Variants in DPP6 observed in about 807,000 individuals in gnomAD.
The protein encoded by DPP6 is dipeptidyl peptidase like 6.
DPP6 carries 69 observed loss-of-function variants against 122.6 expected under a neutral mutation model. That is an observed-to-expected ratio of 0.56 (90% CI 0.46 to 0.69). The LOEUF is 0.69. Ranked by LOEUF, DPP6 falls within the 30% of genes least tolerant of loss-of-function variation. The pLI, the probability that DPP6 is intolerant of heterozygous loss-of-function variation, is 0.00. For missense variants in DPP6, 928 were observed against 1,116.9 expected, an observed-to-expected ratio of 0.83 and a Z score of 2.41; for synonymous variants, 418 against 433.1, an observed-to-expected ratio of 0.97 and a Z score of 0.43.
At chr7:154,180,487 AATAGAT>A (rs980958574) in intron 1 of DPP6, among the ~76,000 whole-genome samples, 17 of 145,516 alleles carry the variant, frequency 1.2e-4, no homozygotes, top group African/African-American at 3.5e-4. Context: ...ATGTTATATA[AATAGAT>A]ATAGATATAT....
At chr7:153,909,205 A>C (rs1388857269) in intron 1 of DPP6, among the ~76,000 whole-genome samples, 1 of 152,152 alleles carries the variant, frequency 6.6e-6, no homozygotes, top group Non-Finnish European at 1.5e-5. Flanking sequence ...GGGCATGCTG[A>C]GGTTCTACCT....
intron 1 of DPP6, among the ~76,000 whole-genome samples, chr7:154,311,402 A>G (rs1461156442): frequency 6.6e-6 from 1 of 151,994 alleles, no homozygotes; most frequent in Admixed American, 6.6e-5. Context: ...AGGCTGAGGT[A>G]GGAGGATCAC....
intron 1 of DPP6, among the ~76,000 whole-genome samples, chr7:153,961,133 T>C (rs2628854): frequency 0.75 from 77,151 of 103,196 alleles, 30,251 homozygotes; most frequent in East Asian, 1. Flanking sequence ...AGAGATGATC[T>C]GGGAAGGTGA....
Position 154,482,977 on chromosome 7 carries a change from G to A in DPP6, c.457+7940G>A, listed in dbSNP as rs1003162144. 2.8e-4 allele frequency among the ~76,000 whole-genome samples: 43 copies of A among 152,158 alleles called. 1 individual carries two copies. Among genetic ancestry groups the A allele is most frequent in the South Asian group, 2.1e-4 (1 of 4,822 alleles). ...AGTGGAAGTCTATGAGCAATAACTCGGTGGAAATGTTCGTTAGGTATTGAG... is the reference window on the plus strand; with the variant it reads ...AGTGGAAGTCTATGAGCAATAACTCAGTGGAAATGTTCGTTAGGTATTGAG... On this transcript the variant is annotated intron_variant, in intron 3 of 25. Coordinates refer to ENST00000377770, the MANE Select transcript of DPP6 (RefSeq NM_130797.4).
chr7:154,619,081 C>T (rs1834462821), intron 5 of DPP6, among the ~76,000 whole-genome samples: 1 of 152,202 alleles, frequency 6.6e-6, no homozygotes, highest in Non-Finnish European at 1.5e-5. Context: ...TGACTTTGCT[C>T]CTCATTTGCC....
chr7:154,765,682 G>A (rs1587071860), intron 8 of DPP6, among the ~76,000 whole-genome samples: 1 of 152,202 alleles, frequency 6.6e-6, no homozygotes, highest in Non-Finnish European at 1.5e-5. Context: ...CAAGAGAGAA[G>A]CAGCCATTGA....
intron 1 of DPP6, among the ~76,000 whole-genome samples, chr7:154,178,391 G>A (rs1463035563): frequency 1.4e-5 from 2 of 146,154 alleles, no homozygotes; most frequent in African/African-American, 2.5e-5. Context: ...TCTATCTTCA[G>A]CCCCTAACCA....
chr7:154,402,177 G>A (rs1444909669), intron 1 of DPP6, among the ~76,000 whole-genome samples: 1 of 151,148 alleles, frequency 6.6e-6, no homozygotes, highest in Non-Finnish European at 1.5e-5. Context: ...AACCATTGTG[G>A]AAGTCAGTGT....
At chr7:153,748,217 C>A in the DPP6 span, among the ~76,000 whole-genome samples, 2 of 152,082 alleles carry the variant, frequency 1.3e-5, no homozygotes, top group Non-Finnish European at 2.9e-5. Context: ...CCGCCCACTC[C>A]ACTGTCTCTC....
chr7:154,537,464 C>T (rs1050725584), intron 3 of DPP6, among the ~76,000 whole-genome samples: 1 of 152,110 alleles, frequency 6.6e-6, no homozygotes, highest in African/African-American at 2.4e-5. Context: ...AGTGTCATAA[C>T]CACTTTTGAA....
At chr7:154,454,675 G>T (rs1820674703) in intron 2 of DPP6, among the ~76,000 whole-genome samples, 1 of 152,064 alleles carries the variant, frequency 6.6e-6, no homozygotes, top group South Asian at 2.1e-4. Flanking sequence ...CACAGGGCCT[G>T]GATTTGAGAC....
the DPP6 span, among the ~76,000 whole-genome samples, chr7:153,876,598 C>T: frequency 2.0e-4 from 31 of 152,110 alleles, no homozygotes; most frequent in Non-Finnish European, 3.8e-4. Context: ...ATTAAAAGTG[C>T]CAATTTTATA....
chr7:154,839,171 G>A (rs1456359983), intron 16 of DPP6, among the ~76,000 whole-genome samples: 2 of 152,220 alleles, frequency 1.3e-5, no homozygotes, highest in East Asian at 3.8e-4. Context: ...CACATTCTAA[G>A]CATTTGATGT....
chr7:154,669,103 C>T (rs955100551), intron 6 of DPP6, among the ~76,000 whole-genome samples: 2 of 152,180 alleles, frequency 1.3e-5, no homozygotes, highest in African/African-American at 4.8e-5. Context: ...ACTGCATGTC[C>T]TCTCTTAATG....
chr7:154,859,891 A>ACAGC (rs1803212610), intron 17 of DPP6, among the ~76,000 whole-genome samples: 1 of 152,190 alleles, frequency 6.6e-6, no homozygotes, highest in Non-Finnish European at 1.5e-5. Context: ...ATGCAGCCCC[A>ACAGC]CAGCCATGCA....
chr7:154,679,721 C>T (rs1839167603), intron 7 of DPP6, among the ~76,000 whole-genome samples: 1 of 152,198 alleles, frequency 6.6e-6, no homozygotes, highest in Admixed American at 6.5e-5. Flanking sequence ...ATAAAAGCCT[C>T]TAATCAGCTT....
chr7:154,812,124 A>G (rs759288690), intron 16 of DPP6, among the ~76,000 whole-genome samples: 12 of 152,210 alleles, frequency 7.9e-5, no homozygotes, highest in Non-Finnish European at 1.3e-4. Flanking sequence ...CAACTAGGAC[A>G]AGGTGGATAC....
At chr7:154,790,933 TAGTC>T (rs1251375337) in intron 10 of DPP6, among the ~76,000 whole-genome samples, 1 of 151,994 alleles carries the variant, frequency 6.6e-6, no homozygotes, top group Non-Finnish European at 1.5e-5. Flanking sequence ...GGCTCTGTAT[TAGTC>T]AGTTCTCACA....
At chr7:153,975,489 T>C (rs1020947449) in intron 1 of DPP6, among the ~76,000 whole-genome samples, 3 of 151,656 alleles carry the variant, frequency 2.0e-5, no homozygotes, top group African/African-American at 7.3e-5. Context: ...CTCCTTGTTA[T>C]GGGTCTACAG....
Sources: allele counts gnomAD v4.1 joint callset (sites outside exome capture counted in the v4.1 genomes callset), GRCh38; gene constraint gnomAD v4.1.1; transcripts MANE v1.5; gene names NCBI Gene and HGNC (gene_info 2026-07-23, HGNC 2026-07-21).